Variants in EXOC6B observed in about 807,000 individuals in gnomAD.
The protein encoded by EXOC6B is exocyst complex component 6B.
EXOC6B carries 54 observed loss-of-function variants against 113.5 expected under a neutral mutation model. The observed-to-expected ratio is 0.48, with a 90% CI of 0.38 to 0.60. The LOEUF (loss-of-function observed/expected upper bound fraction) is 0.60. Among genes scored for constraint, EXOC6B ranks in the 20% least tolerant of loss-of-function variants. The probability of loss-of-function intolerance (pLI) is 0.00; values close to 1 mark genes in which losing one functional copy is unlikely to be tolerated. For missense variants in EXOC6B, 797 were observed against 977.5 expected (o/e 0.82, Z 2.46); for synonymous variants, 357 against 339.0 (o/e 1.05, Z -0.58).
At chr2:72,310,167 C>G (rs1687101944) in intron 20 of EXOC6B, among the ~76,000 whole-genome samples, 1 of 152,124 alleles carries the variant, frequency 6.6e-6, no homozygotes, top group Non-Finnish European at 1.5e-5. Flanking sequence ...AAGGACATTC[C>G]TGGGTCATAT....
At chr2:72,608,448 T>C (rs934981803) in intron 6 of EXOC6B, among the ~76,000 whole-genome samples, 46 of 152,152 alleles carry the variant, frequency 3.0e-4, no homozygotes, top group African/African-American at 1.1e-3. Flanking sequence ...TATTTCTCAG[T>C]TTTAATGATC....
intron 18 of EXOC6B, among the ~76,000 whole-genome samples, chr2:72,404,587 C>G (rs1693593517): frequency 1.3e-5 from 2 of 152,192 alleles, no homozygotes. Flanking sequence ...TACTGATACC[C>G]AGGTAAACAG....
chr2:72,461,342 AAAACTT>A (rs1294461037), intron 18 of EXOC6B: 6 of 149,846 alleles, frequency 4.0e-5, no homozygotes, highest in Admixed American at 6.7e-5. Flanking sequence ...CATGTACCCT[AAAACTT>A]AAAGTATTAA....
intron 19 of EXOC6B, among the ~76,000 whole-genome samples, chr2:72,338,399 T>TA (rs1688820423): frequency 6.6e-6 from 1 of 152,144 alleles, no homozygotes; most frequent in Non-Finnish European, 1.5e-5. Flanking sequence ...CACTGTTCTA[T>TA]ATCAAGAACA....
chr2:72,356,236 A>G (rs2104962739), intron 19 of EXOC6B, among the ~76,000 whole-genome samples: 1 of 152,268 alleles, frequency 6.6e-6, no homozygotes, highest in South Asian at 2.1e-4. Context: ...CATATTCTTT[A>G]GTTTCTTCTG....
intron 10 of EXOC6B, among the ~76,000 whole-genome samples, chr2:72,514,359 A>C (rs533154845): frequency 1.2e-4 from 18 of 152,128 alleles, no homozygotes; most frequent in Non-Finnish European, 2.1e-4. Flanking sequence ...CAAGTGTAAT[A>C]AGATTACAAT....
chr2:72,448,439 T>C (rs1449010923), intron 18 of EXOC6B, among the ~76,000 whole-genome samples: 1 of 152,170 alleles, frequency 6.6e-6, no homozygotes, highest in East Asian at 1.9e-4. Flanking sequence ...TGACAAACAA[T>C]ATATTTTCAA....
intron 6 of EXOC6B, among the ~76,000 whole-genome samples, chr2:72,612,673 C>CAA (rs915550723): frequency 6.6e-6 from 1 of 152,170 alleles, no homozygotes; most frequent in Non-Finnish European, 1.5e-5. Flanking sequence ...TTAAAAGCTA[C>CAA]AACTGGATTT....
At chr2:72,798,458 TTTAATACTA>T (rs1685098603) in intron 1 of EXOC6B, among the ~76,000 whole-genome samples, 2 of 152,144 alleles carry the variant, frequency 1.3e-5, no homozygotes, top group Admixed American at 6.6e-5. Context: ...GCGAGACATT[TTTAATACTA>T]ATCAAAATAA....
At chr2:72,224,798 C>CTGTGTGTGTGTGTG in intron 20 of EXOC6B, among the ~76,000 whole-genome samples, 1 of 144,254 alleles carries the variant, frequency 6.9e-6, no homozygotes, top group East Asian at 2.0e-4. Context: ...TCCAGCTAAT[C>CTGTGTGTGTGTGTG]TGTGTGTGTG....
At chr2:72,471,043 C>T (rs1297089296) in intron 17 of EXOC6B, among the ~76,000 whole-genome samples, 1 of 152,182 alleles carries the variant, frequency 6.6e-6, no homozygotes, top group Non-Finnish European at 1.5e-5. Flanking sequence ...AATCACCACA[C>T]TGACTTCCAC....
At chr2:72,391,714 C>T (rs1254452087) in intron 18 of EXOC6B, among the ~76,000 whole-genome samples, 3 of 148,610 alleles carry the variant, frequency 2.0e-5, no homozygotes, top group Non-Finnish European at 2.9e-5. Context: ...TTCCACCTAT[C>T]TCATATGCTC....
intron 1 of EXOC6B, among the ~76,000 whole-genome samples, chr2:72,753,247 TA>T (rs34867991): frequency 0.011 from 1,619 of 147,788 alleles, 16 homozygotes; most frequent in Admixed American, 0.035. Context: ...TCTCTTGAAT[TA>T]AAAAAAAAAA....
At chr2:72,662,458 T>C (rs1675093713) in intron 6 of EXOC6B, among the ~76,000 whole-genome samples, 1 of 152,138 alleles carries the variant, frequency 6.6e-6, no homozygotes, top group African/African-American at 2.4e-5. Context: ...CCCACAATTC[T>C]AAAGTAAGAA....
At chr2:72,776,554 T>G (rs1377102752) in intron 1 of EXOC6B, among the ~76,000 whole-genome samples, 1 of 151,780 alleles carries the variant, frequency 6.6e-6, no homozygotes, top group Non-Finnish European at 1.5e-5. Context: ...GAGGTGGAGG[T>G]TGCAGTGAGC....
At chr2:72,458,662 T>G (rs1415302978) in intron 18 of EXOC6B, among the ~76,000 whole-genome samples, 1 of 152,096 alleles carries the variant, frequency 6.6e-6, no homozygotes, top group Non-Finnish European at 1.5e-5. Context: ...AACGACAGTT[T>G]AGAATAAACA....
chr2:72,498,439 T>C lies in EXOC6B; in HGVS notation c.1337+15A>G, dbSNP rs1033774465. ...ACATGAACACACACACATATGACTA[T>C]AGATAATTTCTCACCTGAAAATACC... On this transcript the variant is annotated intron_variant, in intron 13 of 21. Transcript: ENST00000272427. 4 of 1,570,694 alleles carry C rather than the reference T, an allele frequency of 2.5e-6. No homozygotes were observed. Among genetic ancestry groups the C allele is most frequent in the African/African-American group, 1.4e-5 (1 of 73,942 alleles).
intron 8 of EXOC6B, among the ~76,000 whole-genome samples, chr2:72,518,170 C>T (rs1322822258): frequency 6.6e-6 from 1 of 152,160 alleles, no homozygotes; most frequent in Non-Finnish European, 1.5e-5. Flanking sequence ...ACTTAAGCTC[C>T]AAGCTCTTTC....
intron 1 of EXOC6B, among the ~76,000 whole-genome samples, chr2:72,818,311 A>ATTTTTTTT (rs1183950982): frequency 1.9e-3 from 222 of 117,762 alleles, no homozygotes; most frequent in African/African-American, 3.3e-3. Context: ...GGCCCAGCTA[A>ATTTTTTTT]TTTTTTTTTT....
Sources: allele counts gnomAD v4.1 joint callset (sites outside exome capture counted in the v4.1 genomes callset), GRCh38; gene constraint gnomAD v4.1.1; transcripts MANE v1.5; gene names NCBI Gene and HGNC (gene_info 2026-07-23, HGNC 2026-07-21).